STXBP5: variants seen among roughly 807,000 people sequenced by gnomAD.
STXBP5 encodes the protein syntaxin-binding protein 5.
STXBP5 carries 50 observed loss-of-function variants against 152.4 expected under a neutral mutation model. The observed-to-expected ratio is 0.33, with a 90% CI of 0.26 to 0.42. The LOEUF (loss-of-function observed/expected upper bound fraction) is 0.42. STXBP5 is among the 10% of genes least tolerant of loss of function. STXBP5 has a pLI of 1.00. For missense variants in STXBP5, 1,167 were observed against 1,388.6 expected, an observed-to-expected ratio of 0.84 and a Z score of 2.54; for synonymous variants, 492 against 494.7, an observed-to-expected ratio of 0.99 and a Z score of 0.07.
In STXBP5 at chr6:147,370,678, G is replaced by T. The variant is rs535218481; in HGVS notation, c.3082-3053G>T. On this transcript the variant is annotated intron_variant, in intron 25 of 27. Coordinates refer to ENST00000321680, the MANE Select transcript of STXBP5 (RefSeq NM_001127715.4). ...AATTAATTCAGTTTAAAACAACTAA[G>T]TAAGTAACTCTGGTAAGCACCTCAG... Among the ~76,000 whole-genome samples, 7 of 152,082 alleles carry T rather than the reference G, an allele frequency of 4.6e-5. No individual in the cohort carries two copies. The East Asian group carries it at 1.2e-3, about 25-fold the overall frequency.
chr6:147,296,036 C>T (rs1470320053), intron 9 of STXBP5, among the ~76,000 whole-genome samples: 1 of 152,026 alleles, frequency 6.6e-6, no homozygotes, highest in Non-Finnish European at 1.5e-5. Flanking sequence ...GGCTCTGGTG[C>T]CCACACCCAT....
chr6:147,217,262 G>A (rs1777218533), intron 2 of STXBP5, among the ~76,000 whole-genome samples: 3 of 152,046 alleles, frequency 2.0e-5, no homozygotes, highest in African/African-American at 7.2e-5. Context: ...TTCAGTCTTT[G>A]TACTGTATTT....
intron 25 of STXBP5, among the ~76,000 whole-genome samples, chr6:147,367,231 G>C (rs985266555): frequency 6.6e-6 from 1 of 152,184 alleles, no homozygotes; most frequent in East Asian, 1.9e-4. Context: ...GTACTTGAAA[G>C]TATAGCAACA....
At chr6:147,293,140 A>G (rs559270458) in intron 9 of STXBP5, 93 of 152,320 alleles carry the variant, frequency 6.1e-4, no homozygotes, top group African/African-American at 2.1e-3. Flanking sequence ...AGGCTATACA[A>G]TATAGCCTAG....
chr6:147,230,891 G>T (rs1778768608), intron 2 of STXBP5, among the ~76,000 whole-genome samples: 1 of 151,774 alleles, frequency 6.6e-6, no homozygotes, highest in South Asian at 2.1e-4. Context: ...TAGTAGTATT[G>T]TAATTGACAC....
intron 26 of STXBP5, among the ~76,000 whole-genome samples, chr6:147,378,597 G>A (rs894226353): frequency 1.3e-5 from 2 of 151,766 alleles, no homozygotes; most frequent in African/African-American, 4.8e-5. Context: ...TAGAGGGTGT[G>A]GAAAGGGAAG....
intron 21 of STXBP5, among the ~76,000 whole-genome samples, chr6:147,344,264 T>G (rs1582973216): frequency 6.6e-6 from 1 of 152,224 alleles, no homozygotes; most frequent in South Asian, 2.1e-4. Flanking sequence ...AACTGTCTTT[T>G]TTTACATTAA....
At chr6:147,215,512 CTGGGA>C (rs1214788388) in intron 2 of STXBP5, among the ~76,000 whole-genome samples, 1 of 152,120 alleles carries the variant, frequency 6.6e-6, no homozygotes, top group Non-Finnish European at 1.5e-5. Context: ...CCCCAAGTAG[CTGGGA>C]CTCCAGGTGC....
At chr6:147,267,328 T>C (rs796384447) in intron 7 of STXBP5, among the ~76,000 whole-genome samples, 161 bp downstream of exon 7, 3 of 152,264 alleles carry the variant, frequency 2.0e-5, no homozygotes, top group Admixed American at 6.5e-5. Context: ...ATTCAAAAGA[T>C]AACAAAAATC....
intron 9 of STXBP5, among the ~76,000 whole-genome samples, chr6:147,308,547 A>G (rs892801357): frequency 6.6e-6 from 1 of 152,204 alleles, no homozygotes; most frequent in Admixed American, 6.5e-5. Flanking sequence ...AACAAATCAC[A>G]CAAAACCACT....
intron 2 of STXBP5, among the ~76,000 whole-genome samples, chr6:147,209,793 CAG>C (rs1776756183): frequency 1.3e-5 from 2 of 151,974 alleles, no homozygotes; most frequent in Non-Finnish European, 2.9e-5. Flanking sequence ...TTCAGAATGA[CAG>C]GGAGGAAGGA....
In STXBP5 at chr6:147,390,071, C is replaced by G. The variant is rs1786520737; in HGVS notation, c.*5316C>G. Reference sequence around the variant, plus strand: ...TGTGTATACCTTAAACTGTAACTTGCAGGTGTTTTTCAGTTGCTGCACTTT... The same window carrying G: ...TGTGTATACCTTAAACTGTAACTTGGAGGTGTTTTTCAGTTGCTGCACTTT... On this transcript the variant is annotated 3_prime_UTR_variant, in exon 28 of 28. Transcript: ENST00000321680. 6.6e-6 allele frequency: 1 copy of G among 151,920 alleles called. No homozygotes were observed. The highest frequency in any genetic ancestry group is 6.6e-5 in the Admixed American group (1 of 15,214). 9.4% of individuals were successfully genotyped at this position (151,920 alleles called of 1,614,324 possible). A position where few individuals can be genotyped will look rare whatever the true frequency, so the allele number is the denominator to read the frequency against.
chr6:147,230,881 T>TG (rs1777967797), intron 2 of STXBP5, among the ~76,000 whole-genome samples: 1 of 151,858 alleles, frequency 6.6e-6, no homozygotes, highest in African/African-American at 2.4e-5. Flanking sequence ...AATACATATG[T>TG]AGTAGTATTG....
At chr6:147,326,138 C>T (rs1235252035) in intron 17 of STXBP5, among the ~76,000 whole-genome samples, 1 of 152,174 alleles carries the variant, frequency 6.6e-6, no homozygotes, top group Non-Finnish European at 1.5e-5. Context: ...CAAACTAACA[C>T]TGGCTACAGT....
Position 147,343,031 on chromosome 6 carries a change from G to A in STXBP5, c.2254+3647G>A, listed in dbSNP as rs567477225. 7.2e-3 allele frequency among the ~76,000 whole-genome samples: 1,095 copies of A among 152,040 alleles called. 12 individuals carry two copies. The highest frequency in any genetic ancestry group is 0.025 in the African/African-American group (1,050 of 41,510). The stretch of plus-strand genomic sequence containing the variant: ...CCTTCTGGTTACATGAAGTTGTGAG[G>A]GGAAAATAATACCAAGGATAAAAAA... On this transcript the variant is annotated intron_variant, in intron 21 of 27. Coordinates refer to ENST00000321680, the MANE Select transcript of STXBP5 (RefSeq NM_001127715.4).
In STXBP5 at chr6:147,205,967, C is replaced by T; in HGVS notation, c.151-4C>T. ...TTGCTGTGATGTCACTTGCCCATCC[C>T]TAGACTGTTCGCCATGGATTTCCCT... On this transcript the variant is annotated splice_region_variant and splice_polypyrimidine_tract_variant and intron_variant, in intron 1 of 27. Transcript: ENST00000321680. 6.2e-7 allele frequency: 1 copy of T among 1,613,728 alleles called. No individual in the cohort carries two copies. Among genetic ancestry groups the T allele is most frequent in the Non-Finnish European group, 8.5e-7 (1 of 1,179,644 alleles).
At chr6:147,326,130 A>G (rs939918096) in intron 17 of STXBP5, among the ~76,000 whole-genome samples, 1 of 152,170 alleles carries the variant, frequency 6.6e-6, no homozygotes, top group Non-Finnish European at 1.5e-5. Context: ...CTGTACATCA[A>G]ACTAACACTG....
intron 25 of STXBP5, among the ~76,000 whole-genome samples, chr6:147,369,004 A>G (rs1322718261): frequency 3.3e-5 from 5 of 151,986 alleles, no homozygotes; most frequent in African/African-American, 9.7e-5. Flanking sequence ...TAAAATTCAT[A>G]CGTAAATACA....
intron 26 of STXBP5, among the ~76,000 whole-genome samples, chr6:147,381,999 T>C (rs1786109075): frequency 6.6e-6 from 1 of 152,144 alleles, no homozygotes; most frequent in South Asian, 2.1e-4. Context: ...AAATCACCAA[T>C]GTATTCACTT....
Sources: gnomAD v4.1 joint callset for allele counts (sites outside exome capture counted in the v4.1 genomes callset) on GRCh38, gnomAD v4.1.1 for gene constraint, MANE v1.5 for transcripts, NCBI Gene and HGNC (gene_info 2026-07-23, HGNC 2026-07-21) for gene names.